Variants in PTPRK observed in about 807,000 individuals in gnomAD.
PTPRK encodes the protein protein tyrosine phosphatase receptor type K.
Under a neutral mutation model 178.0 loss-of-function variants are expected in PTPRK, and 75 were observed. That is an observed-to-expected ratio of 0.42 (90% CI 0.35 to 0.51). The LOEUF is 0.51. PTPRK is among the 20% of genes least tolerant of loss of function. The pLI, the probability that PTPRK is intolerant of heterozygous loss-of-function variation, is 0.02. For synonymous variants in PTPRK, 637 were observed against 620.6 expected (o/e 1.03, Z -0.39); for missense variants, 1,441 against 1,797.8 (o/e 0.80, Z 3.59).
intron 5 of PTPRK, among the ~76,000 whole-genome samples, chr6:128,222,876 G>A (rs186152805): frequency 6.6e-6 from 1 of 152,224 alleles, no homozygotes; most frequent in Non-Finnish European, 1.5e-5. Context: ...TTAAAAACTT[G>A]CAGACATTCC....
chr6:128,374,495 C>G (rs1179902854), intron 2 of PTPRK, among the ~76,000 whole-genome samples: 1 of 152,160 alleles, frequency 6.6e-6, no homozygotes, highest in Non-Finnish European at 1.5e-5. Context: ...CCCATCTCAG[C>G]TCATGACTAT....
chr6:128,236,891 C>G (rs1813379647), intron 5 of PTPRK, among the ~76,000 whole-genome samples: 1 of 152,130 alleles, frequency 6.6e-6, no homozygotes, highest in Non-Finnish European at 1.5e-5. Flanking sequence ...ACTTTCAGAA[C>G]TACCATGATA....
At chr6:128,286,434 A>G (rs763170948) in intron 3 of PTPRK, among the ~76,000 whole-genome samples, 9 of 151,640 alleles carry the variant, frequency 5.9e-5, no homozygotes, top group Non-Finnish European at 1.2e-4. Flanking sequence ...TTTGTGTTTC[A>G]TTTTCAATAA....
intron 6 of PTPRK, among the ~76,000 whole-genome samples, chr6:128,195,504 T>A (rs1450449951): frequency 6.6e-6 from 1 of 150,726 alleles, no homozygotes; most frequent in South Asian, 2.1e-4. Context: ...TACCCTAAGT[T>A]AATCAGGGGA....
intron 18 of PTPRK, among the ~76,000 whole-genome samples, chr6:127,993,973 A>C (rs1347060019): frequency 6.6e-6 from 1 of 151,710 alleles, no homozygotes; most frequent in Non-Finnish European, 1.5e-5. Context: ...ACCCAGGTTA[A>C]ACTAAATAGG....
rs773331528 is a variant in PTPRK at position 128,008,010 on chromosome 6, T to A, written c.2333+1120A>T. The A allele has an allele frequency of 1.5e-5, 19 of 1,278,070 alleles. No homozygotes were observed. In the South Asian group the frequency reaches 2.1e-4, roughly 14 times the overall value. 79.2% of individuals were successfully genotyped at this position (1,278,070 alleles called of 1,614,324 possible). A position where few individuals can be genotyped will look rare whatever the true frequency, so the allele number is the denominator to read the frequency against. On this transcript the variant is annotated intron_variant, in intron 14 of 29. Transcript: ENST00000368226. The stretch of plus-strand genomic sequence containing the variant: ...AAGCACTATTTGGGGAAAGCACGTA[T>A]GTAGCTAATTTAACACAAAACACTA...
intron 7 of PTPRK, among the ~76,000 whole-genome samples, chr6:128,120,390 A>C (rs1792265507): frequency 6.6e-6 from 1 of 152,040 alleles, no homozygotes; most frequent in South Asian, 2.1e-4. Context: ...ATCATGAAAC[A>C]TAAATGTTTA....
chr6:128,511,395 T>C (rs903909191), intron 1 of PTPRK, among the ~76,000 whole-genome samples: 2 of 152,194 alleles, frequency 1.3e-5, no homozygotes, highest in African/African-American at 4.8e-5. Context: ...TTAGATTCAA[T>C]GGTTGGAAAC....
chr6:128,294,264 G>C (rs1823890541), intron 3 of PTPRK, among the ~76,000 whole-genome samples: 1 of 152,052 alleles, frequency 6.6e-6, no homozygotes, highest in South Asian at 2.1e-4. Context: ...CCTAACCCTG[G>C]TGCTAAGAAT....
chr6:128,076,893 G>A (rs1234202571), intron 11 of PTPRK, among the ~76,000 whole-genome samples: 1 of 152,002 alleles, frequency 6.6e-6, no homozygotes, highest in East Asian at 1.9e-4. Context: ...TCTGTGTTTT[G>A]TTGTGGTCAT....
chr6:128,099,011 T>C (rs1788355840), intron 7 of PTPRK, among the ~76,000 whole-genome samples: 1 of 151,938 alleles, frequency 6.6e-6, no homozygotes, highest in Admixed American at 6.6e-5. Context: ...ATCAATACTT[T>C]ATTACAAACT....
rs138666379 is a variant in PTPRK at position 128,321,738 on chromosome 6, C to G, written c.495+301G>C. On this transcript the variant is annotated intron_variant, in intron 3 of 29. Coordinates refer to ENST00000368226, the MANE Select transcript of PTPRK (RefSeq NM_002844.4). ...CAATAAGTAGCTCTTTGTCAAACCA[C>G]CAACAAATTTTGGACCTAAACTTAT... 745 of 684,550 alleles carry G rather than the reference C, an allele frequency of 1.1e-3. 4 individuals are homozygous for G. The highest frequency in any genetic ancestry group is 0.011 in the African/African-American group (597 of 55,884). 42.4% of individuals were successfully genotyped at this position (684,550 alleles called of 1,614,324 possible).
chr6:128,310,683 G>A (rs1827111757), intron 3 of PTPRK, among the ~76,000 whole-genome samples: 1 of 152,174 alleles, frequency 6.6e-6, no homozygotes, highest in African/African-American at 2.4e-5. Flanking sequence ...GGAGCTTCCT[G>A]CTGCCAATCA....
intron 1 of PTPRK, among the ~76,000 whole-genome samples, chr6:128,495,502 T>C (rs1854523778): frequency 6.6e-6 from 1 of 151,878 alleles, no homozygotes. Flanking sequence ...AACCAAATAC[T>C]CAGGCAGCAT....
At chr6:128,297,422 A>G (rs1824669677) in intron 3 of PTPRK, among the ~76,000 whole-genome samples, 1 of 152,116 alleles carries the variant, frequency 6.6e-6, no homozygotes, top group Non-Finnish European at 1.5e-5. Flanking sequence ...CAGAATATAC[A>G]TTTTTTTCAG....
intron 3 of PTPRK, among the ~76,000 whole-genome samples, chr6:128,311,272 C>G (rs1048379696): frequency 5.3e-5 from 8 of 152,132 alleles, no homozygotes; most frequent in Non-Finnish European, 1.2e-4. Context: ...TTGAATCGTA[C>G]AGTGTGTGGA....
At chr6:128,359,166 T>A (rs899557231) in intron 2 of PTPRK, among the ~76,000 whole-genome samples, 15 of 152,244 alleles carry the variant, frequency 9.9e-5, no homozygotes, top group East Asian at 5.8e-4. Flanking sequence ...AAAGGATAAT[T>A]TCCACCAGGT....
chr6:128,017,217 C>T lies in PTPRK; in HGVS notation c.2195-7949G>A, dbSNP rs146828055. 1.4e-4 allele frequency among the ~76,000 whole-genome samples: 22 copies of T among 152,050 alleles called. No individual in the cohort carries two copies. The East Asian group carries it at 3.5e-3, about 24-fold the overall frequency. On this transcript the variant is annotated intron_variant, in intron 13 of 29. Coordinates refer to ENST00000368226, the MANE Select transcript of PTPRK (RefSeq NM_002844.4). ...CAAGTTCCATTTGGTTCTTCGTAAA[C>T]GGATCTTTGTTTAGTTATTCCTGAT...
chr6:128,208,876 T>G (rs956779920), intron 6 of PTPRK, among the ~76,000 whole-genome samples: 1 of 152,096 alleles, frequency 6.6e-6, no homozygotes, highest in Non-Finnish European at 1.5e-5. Flanking sequence ...ATCGAAAGTT[T>G]ACAATTAAAC....
Sources: allele counts gnomAD v4.1 joint callset (sites outside exome capture counted in the v4.1 genomes callset), GRCh38; gene constraint gnomAD v4.1.1; transcripts MANE v1.5; gene names NCBI Gene and HGNC (gene_info 2026-07-23, HGNC 2026-07-21).